PCSK4: variants seen among roughly 807,000 people sequenced by gnomAD.
PCSK4 encodes proprotein convertase subtilisin/kexin type 4.
PCSK4 carries 64 observed loss-of-function variants against 80.3 expected under a neutral mutation model. That is an observed-to-expected ratio of 0.80 (90% CI 0.65 to 0.98). PCSK4 has a LOEUF of 0.98. PCSK4 is among the 50% of genes least tolerant of loss of function. The pLI, the probability that PCSK4 is intolerant of heterozygous loss-of-function variation, is 0.00. For missense variants in PCSK4, 1,213 were observed against 1,093.6 expected (o/e 1.11, Z -1.54); for synonymous variants, 561 against 487.6 (o/e 1.15, Z -1.98).
intron 3 of PCSK4, 46 bp downstream of exon 3, chr19:1,488,142 C>T (rs746821908): frequency 2.3e-5 from 37 of 1,612,916 alleles, no homozygotes; most frequent in South Asian, 3.3e-5. Context: ...GAGTTGAGGG[C>T]GCCAGCGGCC....
chr19:1,485,680 G>A (rs1808640587), intron 8 of PCSK4, among the ~76,000 whole-genome samples: 2 of 151,870 alleles, frequency 1.3e-5, no homozygotes, highest in South Asian at 4.2e-4. Flanking sequence ...GATCATCCTG[G>A]CTAACATGGT....
chr19:1,488,796 G>A (rs1481397462), intron 2 of PCSK4, among the ~76,000 whole-genome samples: 1 of 152,114 alleles, frequency 6.6e-6, no homozygotes, highest in Non-Finnish European at 1.5e-5. Context: ...GATCAGGCTG[G>A]TCTCGAACTC....
At chr19:1,488,849 G>A (rs889348723) in intron 2 of PCSK4, among the ~76,000 whole-genome samples, 11 of 152,316 alleles carry the variant, frequency 7.2e-5, no homozygotes, top group East Asian at 3.9e-4. Context: ...CCGAAGTGCC[G>A]GGATTACAGG....
intron 3 of PCSK4, 23 bp downstream of exon 3, chr19:1,488,165 A>C (rs2145422460): frequency 4.3e-6 from 7 of 1,613,282 alleles, no homozygotes; most frequent in Non-Finnish European, 5.9e-6. Flanking sequence ...GTCCCCGTCT[A>C]CCCACCCTGG....
exon 15 of PCSK4, chr19:1,481,998 C>A: frequency 1.3e-6 from 2 of 1,589,392 alleles, no homozygotes; most frequent in South Asian, 2.3e-5. Flanking sequence ...TGCTGCTGGT[C>A]CAGCGTGGAG....
chr19:1,490,040 G>C (rs950331640), intron 1 of PCSK4, 118 bp downstream of exon 1: 3 of 1,520,366 alleles, frequency 2.0e-6, no homozygotes, highest in Non-Finnish European at 2.7e-6. Context: ...CTGAGGCAGG[G>C]GTGGGCTGGG....
At chr19:1,482,255 C>G in intron 14 of PCSK4, 48 bp from the exon 15 acceptor site, 4 of 1,525,258 alleles carry the variant, frequency 2.6e-6, no homozygotes, top group Non-Finnish European at 3.5e-6. Flanking sequence ...CCACCCGCAG[C>G]CTGTTACTCG....
intron 8 of PCSK4, among the ~76,000 whole-genome samples, chr19:1,484,492 T>TAA (rs112354021): frequency 7.9e-6 from 1 of 125,874 alleles, no homozygotes; most frequent in African/African-American, 3.0e-5. Context: ...GACTCTGGAT[T>TAA]AAAAAAAAAA....
intron 8 of PCSK4, 21 bp downstream of exon 8, chr19:1,486,832 T>C (rs751084701): frequency 1.3e-6 from 2 of 1,578,546 alleles, no homozygotes; most frequent in African/African-American, 1.3e-5. Flanking sequence ...GAGGGGACCC[T>C]GTTGGGGCGG....
intron 1 of PCSK4, 45 bp downstream of exon 1, chr19:1,490,113 G>T: frequency 1.2e-6 from 2 of 1,607,762 alleles, no homozygotes; most frequent in Non-Finnish European, 1.7e-6. Context: ...GGGTTGTTCA[G>T]TCCCCTCCAA....
chr19:1,482,214 G>A lies in PCSK4; in HGVS notation c.1820-7C>T, dbSNP rs1320205155. 18 of 1,529,492 alleles carry A rather than the reference G, an allele frequency of 1.2e-5. No individual in the cohort carries two copies. Among genetic ancestry groups the A allele is most frequent in the South Asian group, 2.4e-5 (2 of 83,344 alleles). 94.7% of individuals were successfully genotyped at this position (1,529,492 alleles called of 1,614,324 possible). ...TAGGCGGGGCCGTCACACGCTGCTC[G>A]GGGACACGCACGCAAAGGCCCGTCA... On this transcript the variant is annotated splice_region_variant and splice_polypyrimidine_tract_variant and intron_variant, in intron 14 of 14. Transcript: ENST00000300954.
intron 8 of PCSK4, among the ~76,000 whole-genome samples, chr19:1,486,214 T>G (rs1278718147): frequency 1.3e-5 from 2 of 151,724 alleles, no homozygotes; most frequent in Non-Finnish European, 2.9e-5. Flanking sequence ...TGACCTCAGG[T>G]GATCCACCCA....
rs1568204454 is a variant in PCSK4, at chr19:1,482,942, GC to G, written c.1649del (p.Gly550AlafsTer7). 3.4e-6 allele frequency: 5 copies of G among 1,459,402 alleles called. No individual in the cohort carries two copies. Among genetic ancestry groups the G allele is most frequent in the Non-Finnish European group, 4.6e-6 (5 of 1,084,568 alleles). The allele number at this position is 1,459,402 out of a possible 1,614,324, so 90.4% of individuals were successfully genotyped here. A position where few individuals can be genotyped will look rare whatever the true frequency, so the allele number is the denominator to read the frequency against. On this transcript the variant is annotated frameshift_variant, in exon 13 of 15. Coordinates refer to ENST00000300954, the Ensembl canonical transcript of PCSK4. LOFTEE classifies it high-confidence loss of function. The stretch of plus-strand genomic sequence containing the variant: ...TGTTCTCTAGGCCCAGGGTCCACAC[GC>G]CCTGTGGGTTCTCATCCCAGAAGTG...
At chr19:1,486,915 C>G in exon 8 of PCSK4, 1 of 1,603,408 alleles carries the variant, frequency 6.2e-7, no homozygotes, top group Non-Finnish European at 8.5e-7. Context: ...GCGCAGGCTT[C>G]GCTGTACCAG....
At chr19:1,483,884 C>T (rs930673038) in exon 10 of PCSK4, 3 of 1,494,274 alleles carry the variant, frequency 2.0e-6, no homozygotes, top group African/African-American at 1.5e-5. Context: ...CCTGCAGGTG[C>T]GCCGGCTTGG....
rs1226103603 is a variant in PCSK4, at chr19:1,486,906, C to A, written c.1015G>T (p.Ala339Ser). 8 of 1,601,908 alleles carry A rather than the reference C, an allele frequency of 5.0e-6. No homozygotes were observed. The South Asian group carries it at 7.7e-5, about 15-fold the overall frequency. Residue 339 changes from alanine to serine, a missense_variant, in exon 8 of 15, where the codon GCC becomes TCC. Coordinates refer to ENST00000300954, the Ensembl canonical transcript of PCSK4. Reference sequence around the variant, plus strand: ...CTGTAGGTGGTGGTGAGGGTGGAGGCGCAGGCTTCGCTGTACCAGGGCACG... The same window carrying A: ...CTGTAGGTGGTGGTGAGGGTGGAGGAGCAGGCTTCGCTGTACCAGGGCACG...
At chr19:1,487,344 A>C in intron 6 of PCSK4, 31 bp from the exon 7 acceptor site, 1 of 1,533,058 alleles carries the variant, frequency 6.5e-7, no homozygotes, top group Non-Finnish European at 8.8e-7. Flanking sequence ...GGCCGCTGCC[A>C]CCGGCCCTGC....
At chr19:1,485,825 C>G (rs533911151) in intron 8 of PCSK4, among the ~76,000 whole-genome samples, 3 of 151,732 alleles carry the variant, frequency 2.0e-5, no homozygotes, top group South Asian at 2.1e-4. Flanking sequence ...GAGCTGAGAT[C>G]GCGCCACTGC....
chr19:1,487,490 G>T, intron 6 of PCSK4, 113 bp downstream of exon 6: 1 of 1,054,810 alleles, frequency 9.5e-7, no homozygotes, highest in Non-Finnish European at 1.4e-6. Context: ...TGGGGCCCTA[G>T]CACCACCCAG....
Sources: gnomAD v4.1 joint callset for allele counts (sites outside exome capture counted in the v4.1 genomes callset) on GRCh38, gnomAD v4.1.1 for gene constraint, MANE v1.5 for transcripts, NCBI Gene and HGNC (gene_info 2026-07-23, HGNC 2026-07-21) for gene names.